RNF19B: variants seen among roughly 807,000 people sequenced by gnomAD.
RNF19B encodes E3 ubiquitin-protein ligase RNF19B.
Under a neutral mutation model 65.5 loss-of-function variants are expected in RNF19B, and 23 were observed. The observed-to-expected ratio is 0.35, with a 90% CI of 0.25 to 0.50. The LOEUF is 0.50. RNF19B is among the 20% of genes least tolerant of loss of function. The probability of loss-of-function intolerance (pLI) is 0.98; values close to 1 mark genes in which losing one functional copy is unlikely to be tolerated. For synonymous variants in RNF19B, 372 were observed against 379.6 expected, an observed-to-expected ratio of 0.98 and a Z score of 0.23; for missense variants, 794 against 980.0, an observed-to-expected ratio of 0.81 and a Z score of 2.53.
At chr1:32,938,285 A>C (rs1215616506) in intron 8 of RNF19B, 112 bp downstream of exon 8, 2 of 1,138,554 alleles carry the variant, frequency 1.8e-6, no homozygotes, top group African/African-American at 3.0e-5. Flanking sequence ...AGGTTACACT[A>C]TATATCCCAG....
At chr1:32,962,324 C>T (rs1373515433) in intron 1 of RNF19B, among the ~76,000 whole-genome samples, 2 of 152,114 alleles carry the variant, frequency 1.3e-5, no homozygotes, top group East Asian at 3.8e-4. Flanking sequence ...ATCTGTAAAA[C>T]TTTAATATAA....
chr1:32,959,635 G>C (rs555636226), intron 1 of RNF19B, among the ~76,000 whole-genome samples: 3 of 152,168 alleles, frequency 2.0e-5, no homozygotes, highest in African/African-American at 7.2e-5. Flanking sequence ...ATAGTCTGAA[G>C]ACTATAAAGA....
At chr1:32,963,263 C>T (rs1389105203) in intron 1 of RNF19B, among the ~76,000 whole-genome samples, 1 of 152,178 alleles carries the variant, frequency 6.6e-6, no homozygotes, top group Non-Finnish European at 1.5e-5. Flanking sequence ...TCACCTCCAT[C>T]CCAACTTTCA....
chr1:32,943,639 A>AATGGT (rs1357761312), intron 6 of RNF19B, among the ~76,000 whole-genome samples: 89 of 152,242 alleles, frequency 5.8e-4, no homozygotes, highest in African/African-American at 2.0e-3. Context: ...TTCCCATTTA[A>AATGGT]ATGGGGATAA....
chr1:32,937,035 A>G lies in RNF19B; in HGVS notation c.1967T>C (p.Leu656Pro), dbSNP rs780704125. ...ACTGCGGATGCTTTCAGGCTGGGCCAGGCTGATGTCCCAAGGTTTGCTGGC... is the reference window on the plus strand; with the variant it reads ...ACTGCGGATGCTTTCAGGCTGGGCCGGGCTGATGTCCCAAGGTTTGCTGGC... ...CLASKPWDIS[L>P]AQPESIRSDL... The change falls in exon 9 of 9, where the codon CTG becomes CCG. Residue 656 changes from leucine (L) to proline (P), a missense_variant. Transcript: ENST00000235150. The G allele has an allele frequency of 1.2e-5, 20 of 1,614,214 alleles. No individual in the cohort carries two copies. The highest frequency in any genetic ancestry group is 1.7e-5 in the Non-Finnish European group (20 of 1,180,042).
intron 1 of RNF19B, among the ~76,000 whole-genome samples, chr1:32,959,324 C>A (rs1570123622): frequency 6.6e-6 from 1 of 152,180 alleles, no homozygotes; most frequent in African/African-American, 2.4e-5. Flanking sequence ...TGCCCCTGTA[C>A]ACCAGGAAAT....
intron 5 of RNF19B, among the ~76,000 whole-genome samples, chr1:32,944,702 T>C (rs968282837): frequency 2.0e-5 from 3 of 152,044 alleles, no homozygotes; most frequent in Non-Finnish European, 4.4e-5. Context: ...TTCTTTTTTT[T>C]TTTTGAGACG....
At chr1:32,932,654 CT>C (rs1450335150), downstream of RNF19B, among the ~76,000 whole-genome samples, 1 of 152,154 alleles carries the variant, frequency 6.6e-6, no homozygotes, top group Non-Finnish European at 1.5e-5. Flanking sequence ...CAGTTTCAAC[CT>C]TTTTGAAAGC....
chr1:32,964,747 C>T lies in RNF19B; in HGVS notation c.-62G>A, dbSNP rs1642869133. 10 of 1,306,940 alleles carry T rather than the reference C, an allele frequency of 7.7e-6. No homozygotes were observed. The highest frequency in any genetic ancestry group is 3.2e-5 in the African/African-American group (2 of 63,348). The allele number at this position is 1,306,940 out of a possible 1,614,324, so 81.0% of individuals were successfully genotyped here. On this transcript the variant is annotated 5_prime_UTR_variant, in exon 1 of 9. Coordinates refer to ENST00000235150, the MANE Select transcript of RNF19B (RefSeq NM_001300826.2). The surrounding 1 kb of genome is among the most constrained non-coding windows in gnomAD (Gnocchi z 6.5). Reference sequence around the variant, plus strand: ...CCGCCACAGCTCCCGCCTCAGCGCCCCTCAGCCAGCGCCCGGCCGCCGCCG... The same window carrying T: ...CCGCCACAGCTCCCGCCTCAGCGCCTCTCAGCCAGCGCCCGGCCGCCGCCG...
chr1:32,942,846 A>G (rs1348604090), intron 6 of RNF19B, among the ~76,000 whole-genome samples: 1 of 152,214 alleles, frequency 6.6e-6, no homozygotes, highest in African/African-American at 2.4e-5. Context: ...TCTAGTAGAA[A>G]GCTAGAAAAA....
At chr1:32,932,217 A>G (rs1283772054), downstream of RNF19B, among the ~76,000 whole-genome samples, 1 of 152,218 alleles carries the variant, frequency 6.6e-6, no homozygotes, top group African/African-American at 2.4e-5. Flanking sequence ...CTCTGCCACC[A>G]TAGGGGAGAT....
intron 1 of RNF19B, among the ~76,000 whole-genome samples, chr1:32,953,939 A>C (rs1642572632): frequency 9.7e-6 from 1 of 103,154 alleles, no homozygotes; most frequent in South Asian, 2.8e-4. Context: ...ACGGAGTTTC[A>C]CTCTTGTTGC....
At chr1:32,960,820 G>A (rs1642751574) in intron 1 of RNF19B, among the ~76,000 whole-genome samples, 1 of 151,942 alleles carries the variant, frequency 6.6e-6, no homozygotes, top group African/African-American at 2.4e-5. Flanking sequence ...AACACAGGGA[G>A]ACCCTATCTC....
chr1:32,953,801 T>A (rs2124167428), intron 1 of RNF19B, among the ~76,000 whole-genome samples: 1 of 151,986 alleles, frequency 6.6e-6, no homozygotes, highest in African/African-American at 2.4e-5. Context: ...AAGATACAAA[T>A]TAAGTGGACA....
At chr1:32,935,052 G>A (rs923705272), downstream of RNF19B, among the ~76,000 whole-genome samples, 8 of 151,874 alleles carry the variant, frequency 5.3e-5, no homozygotes, top group African/African-American at 1.5e-4. Context: ...GGATGGTCTT[G>A]ATCTCCTGAC....
At chr1:32,961,003 G>A (rs1476816541) in intron 1 of RNF19B, among the ~76,000 whole-genome samples, 2 of 138,960 alleles carry the variant, frequency 1.4e-5, no homozygotes, top group Non-Finnish European at 3.1e-5. Context: ...GTGACAGAGC[G>A]AGACGCTGTC....
At chr1:32,941,418 T>C (rs1244128879) in intron 7 of RNF19B, among the ~76,000 whole-genome samples, 1 of 152,002 alleles carries the variant, frequency 6.6e-6, no homozygotes, top group Non-Finnish European at 1.5e-5. Flanking sequence ...TGCACGCCTG[T>C]AGTCCCAGCC....
At chr1:32,948,755 T>C (rs903493462) in intron 2 of RNF19B, among the ~76,000 whole-genome samples, 3 of 152,242 alleles carry the variant, frequency 2.0e-5, no homozygotes, top group Non-Finnish European at 4.4e-5. Flanking sequence ...TTTACATTTT[T>C]AAAAACTTTA....
intron 1 of RNF19B, among the ~76,000 whole-genome samples, chr1:32,954,131 G>C (rs185751970): frequency 6.7e-6 from 1 of 150,246 alleles, no homozygotes; most frequent in Non-Finnish European, 1.5e-5. Context: ...GGCTGGTCTC[G>C]AACTCCTGGC....
Sources: gnomAD v4.1 joint callset for allele counts (sites outside exome capture counted in the v4.1 genomes callset) on GRCh38, gnomAD v4.1.1 for gene constraint, Gnocchi (gnomAD v3.1) non-coding constraint, MANE v1.5 for transcripts, NCBI Gene and HGNC (gene_info 2026-07-23, HGNC 2026-07-21) for gene names.